Variants in LTA4H observed in about 807,000 individuals in gnomAD.
The protein encoded by LTA4H is leukotriene A4 hydrolase.
Under a neutral mutation model 89.8 loss-of-function variants are expected in LTA4H, and 59 were observed. That is an observed-to-expected ratio of 0.66 (90% CI 0.53 to 0.82). The LOEUF (loss-of-function observed/expected upper bound fraction) is 0.82. Among genes scored for constraint, LTA4H ranks in the 40% least tolerant of loss-of-function variants. LTA4H has a pLI of 0.00. For synonymous variants in LTA4H, 227 were observed against 253.1 expected, an observed-to-expected ratio of 0.90 and a Z score of 0.98; for missense variants, 617 against 727.0, an observed-to-expected ratio of 0.85 and a Z score of 1.74.
chr12:96,006,377 G>A lies in LTA4H; in HGVS notation c.1467C>T (p.Ala489=), dbSNP rs1950202991. The stretch of plus-strand genomic sequence containing the variant: ...GAGAAGAGAGATCCTTCAGGTCTGT[G>A]GCATTGAATGAATTTAAATCATCTT... ...AKEDDLNSFN[A]TDLKDLSSHQ... The change falls in exon 16 of 19, where the codon GCC becomes GCT. Residue 489 remains alanine (A), a synonymous_variant. Transcript: ENST00000228740. 6.2e-7 allele frequency: 1 copy of A among 1,610,618 alleles called. No individual in the cohort carries two copies. Among genetic ancestry groups the A allele is most frequent in the Non-Finnish European group, 8.5e-7 (1 of 1,178,020 alleles).
chr12:96,027,202 C>T (rs894287323), intron 3 of LTA4H, among the ~76,000 whole-genome samples: 11 of 152,090 alleles, frequency 7.2e-5, no homozygotes, highest in African/African-American at 1.7e-4. Context: ...CTAGAGAGTC[C>T]AATCTAGGTG....
chr12:96,003,785 A>C, intron 17 of LTA4H, 53 bp downstream of exon 17: 1 of 1,255,720 alleles, frequency 8.0e-7, no homozygotes, highest in Non-Finnish European at 1.2e-6. Flanking sequence ...TCCATCTTTC[A>C]AAGGAGTTTA....
intron 3 of LTA4H, among the ~76,000 whole-genome samples, chr12:96,026,985 GA>G (rs568489894): frequency 6.6e-6 from 1 of 152,126 alleles, no homozygotes; most frequent in Non-Finnish European, 1.5e-5. Context: ...AAATGTGTAA[GA>G]AAAATATGGA....
chr12:96,026,841 T>C (rs1950518491), intron 3 of LTA4H, among the ~76,000 whole-genome samples: 1 of 152,210 alleles, frequency 6.6e-6, no homozygotes, highest in Non-Finnish European at 1.5e-5. Flanking sequence ...CAGTTTGAAA[T>C]GTATTATCCT....
At chr12:96,007,861 T>C (rs1950227539) in intron 15 of LTA4H, among the ~76,000 whole-genome samples, 1 of 152,246 alleles carries the variant, frequency 6.6e-6, no homozygotes, top group South Asian at 2.1e-4. Flanking sequence ...TATACTTTTC[T>C]TCATGACAAG....
chr12:96,015,706 AT>A lies in LTA4H; in HGVS notation c.948-13del, dbSNP rs1950364587. 6.1e-6 allele frequency: 9 copies of A among 1,466,128 alleles called. No individual in the cohort carries two copies. Among genetic ancestry groups the A allele is most frequent in the East Asian group, 2.3e-5 (1 of 44,236 alleles). The allele number at this position is 1,466,128 out of a possible 1,614,324, so 90.8% of individuals were successfully genotyped here. A position where few individuals can be genotyped will look rare whatever the true frequency, so the allele number is the denominator to read the frequency against. On this transcript the variant is annotated splice_polypyrimidine_tract_variant and intron_variant, in intron 10 of 18. Coordinates refer to ENST00000228740, the MANE Select transcript of LTA4H (RefSeq NM_000895.3). ...GTCCCTCATTTAACCTGAAAAAAAA[AT>A]ATTTTAATAAAAACACGGACACAGC...
At position 96,013,754 on chromosome 12, in the gene LTA4H, T is replaced by G; in HGVS notation, c.1304A>C (p.Asp435Ala). Residue 435 changes from aspartate (D) to alanine (A), a missense_variant, in exon 13 of 19, where the codon GAT becomes GCT. Coordinates refer to ENST00000228740, the MANE Select transcript of LTA4H (RefSeq NM_000895.3). ...WKDFLYSYFK[D>A]KVDVLNQVDW... is the part of the protein sequence containing the mutation. ...GAAAAGGTTTTTAAATCCAACCTTA[T>G]CTTTAAAATAGGAATACAGGAAATC... The G allele has an allele frequency of 6.6e-7, 1 of 1,504,686 alleles. No homozygotes were observed. Among genetic ancestry groups the G allele is most frequent in the Non-Finnish European group, 9.1e-7 (1 of 1,094,308 alleles). The allele number at this position is 1,504,686 out of a possible 1,614,324, so 93.2% of individuals were successfully genotyped here.
intron 16 of LTA4H, among the ~76,000 whole-genome samples, chr12:96,004,368 T>C (rs763718018): frequency 5.9e-5 from 9 of 152,232 alleles, no homozygotes; most frequent in Non-Finnish European, 1.3e-4. Flanking sequence ...ATTATCTGCA[T>C]ACCTACATAA....
chr12:96,019,263 A>C, intron 6 of LTA4H, 23 bp from the exon 7 acceptor site: 1 of 1,592,164 alleles, frequency 6.3e-7, no homozygotes, highest in Non-Finnish European at 8.6e-7. Context: ...AAAGCTTAAT[A>C]AAAAAGAAAT....
chr12:96,001,299 C>T (rs1267723777), intron 18 of LTA4H, among the ~76,000 whole-genome samples, 193 bp from the exon 19 acceptor site: 1 of 152,126 alleles, frequency 6.6e-6, no homozygotes, highest in African/African-American at 2.4e-5. Context: ...GCCAGCATCA[C>T]CCAAATAAGG....
rs566907992 is a variant in LTA4H, at chr12:96,035,292, C to A, written c.159+69G>T. On this transcript the variant is annotated intron_variant, in intron 1 of 18. Coordinates refer to ENST00000228740, the MANE Select transcript of LTA4H (RefSeq NM_000895.3). ...CGGGGTGAGCCGGAGATCCGGGAGC[C>A]CGCAAGGACTAGGGTCGAGGGGCAG... 1.7e-5 allele frequency: 25 copies of A among 1,484,300 alleles called. No individual in the cohort carries two copies. The South Asian group carries it at 3.0e-4, about 18-fold the overall frequency. The allele number at this position is 1,484,300 out of a possible 1,614,324, so 91.9% of individuals were successfully genotyped here.
chr12:96,015,526 A>G, intron 11 of LTA4H, 57 bp downstream of exon 11: 1 of 1,247,168 alleles, frequency 8.0e-7, no homozygotes, highest in Non-Finnish European at 1.2e-6. Flanking sequence ...ATAAAAACTC[A>G]GTTTTTAACA....
intron 8 of LTA4H, 39 bp from the exon 9 acceptor site, chr12:96,017,619 G>C: frequency 6.7e-7 from 1 of 1,500,116 alleles, no homozygotes; most frequent in East Asian, 2.3e-5. Flanking sequence ...TTTAGTAATC[G>C]AATTACAGAC....
chr12:96,035,251 T>C, intron 1 of LTA4H, 110 bp downstream of exon 1: 1 of 1,163,124 alleles, frequency 8.6e-7, no homozygotes, highest in Non-Finnish European at 1.2e-6. Context: ...GACGTGGGGC[T>C]AGGCAGGGGC....
intron 8 of LTA4H, 56 bp from the exon 9 acceptor site, chr12:96,017,636 A>G (rs1950397537): frequency 2.4e-6 from 3 of 1,268,946 alleles, no homozygotes; most frequent in Middle Eastern, 1.8e-4. Flanking sequence ...AGACTATCTA[A>G]AAGACTGCCT....
chr12:96,020,293 A>C (rs1950439016), intron 6 of LTA4H, among the ~76,000 whole-genome samples: 1 of 152,230 alleles, frequency 6.6e-6, no homozygotes, highest in Non-Finnish European at 1.5e-5. Context: ...ACAAATAGAA[A>C]ATGAAGGAAA....
At chr12:96,017,533 C>A (rs776385071) in intron 9 of LTA4H, 24 bp downstream of exon 9, 2 of 1,597,292 alleles carry the variant, frequency 1.3e-6, no homozygotes, top group Middle Eastern at 1.7e-4. Flanking sequence ...GAAGGTAAGG[C>A]CATAATGAAA....
intron 2 of LTA4H, chr12:96,028,016 T>A (rs1950531161): frequency 6.6e-6 from 1 of 152,330 alleles, no homozygotes; most frequent in Non-Finnish European, 1.5e-5. Context: ...GAGTCAGCAT[T>A]GCAAAACTTT....
intron 18 of LTA4H, among the ~76,000 whole-genome samples, chr12:96,001,653 AATT>A (rs1055676388): frequency 1.3e-5 from 2 of 152,188 alleles, no homozygotes; most frequent in African/African-American, 4.8e-5. Flanking sequence ...AACTTCAAAT[AATT>A]GAGAATAAAA....
Sources: gnomAD v4.1 joint callset for allele counts (sites outside exome capture counted in the v4.1 genomes callset) on GRCh38, gnomAD v4.1.1 for gene constraint, MANE v1.5 for transcripts, NCBI Gene and HGNC (gene_info 2026-07-23, HGNC 2026-07-21) for gene names.